Variants in PCK1 observed in about 807,000 individuals in gnomAD.
PCK1 encodes phosphoenolpyruvate carboxykinase 1.
PCK1 carries 44 observed loss-of-function variants against 50.3 expected under a neutral mutation model. The ratio of observed to expected loss-of-function variants is 0.87; its 90% CI spans 0.69 to 1.12. PCK1 has a LOEUF of 1.12. Among genes scored for constraint, PCK1 ranks in the 50% most tolerant of loss-of-function variants. The probability of loss-of-function intolerance (pLI) is 0.00; values close to 1 mark genes in which losing one functional copy is unlikely to be tolerated. For synonymous variants in PCK1, 332 were observed against 314.3 expected (o/e 1.06, Z -0.59); for missense variants, 790 against 815.0 (o/e 0.97, Z 0.37).
rs1055752845 is a variant in PCK1, at chr20:57,567,230, G to A, written c.*1426G>A. 1.3e-5 allele frequency: 2 copies of A among 152,182 alleles called. No individual in the cohort carries two copies. Among genetic ancestry groups the A allele is most frequent in the African/African-American group, 4.8e-5 (2 of 41,434 alleles). The allele number at this position is 152,182 out of a possible 1,614,324, so 9.4% of individuals were successfully genotyped here. ...CCCCAGCGGGCAGGCTTGTTCTTATGTCACACTCCACCCCTCCAGTCTCCT... is the reference window on the plus strand; with the variant it reads ...CCCCAGCGGGCAGGCTTGTTCTTATATCACACTCCACCCCTCCAGTCTCCT... On this transcript the variant is annotated 3_prime_UTR_variant, in exon 10 of 10. Coordinates refer to ENST00000319441, the MANE Select transcript of PCK1 (RefSeq NM_002591.4).
At chr20:57,561,832 GTGCACAAAAGCTC>G (rs66514941) in intron 2 of PCK1, 197 bp downstream of exon 2, 50,407 of 608,818 alleles carry the variant, frequency 0.083, 3,835 homozygotes, top group East Asian at 0.32. Context: ...AATGAGGTGT[GTGCACAAAAGCTC>G]TGCCAACTAG....
At chr20:57,563,369 T>C (rs2070170807) in intron 5 of PCK1, 154 bp downstream of exon 5, 3 of 731,646 alleles carry the variant, frequency 4.1e-6, no homozygotes, top group Admixed American at 2.9e-5. Flanking sequence ...AGTTTACACA[T>C]ATACATCGCT....
chr20:57,563,721 G>C lies in PCK1; in HGVS notation c.955G>C (p.Ala319Pro). The stretch of plus-strand genomic sequence containing the variant: ...TGACATTGCCTGGATGAAGTTTGAC[G>C]CACAAGGTGACTCTTTTAGACCCAA... ...GDDIAWMKFD[A>P]QGHLRAINPE... Residue 319 changes from alanine (A) to proline (P), a missense_variant, in exon 6 of 10, where the codon GCA becomes CCA. Transcript: ENST00000319441. 6.2e-7 allele frequency: 1 copy of C among 1,607,788 alleles called. No individual in the cohort carries two copies. The highest frequency in any genetic ancestry group is 1.1e-5 in the South Asian group (1 of 90,000).
Position 57,563,103 on chromosome 20 carries a change from T to C in PCK1, c.686T>C (p.Ile229Thr), listed in dbSNP as rs2070166752. 6.2e-7 allele frequency: 1 copy of C among 1,614,086 alleles called. No homozygotes were observed. The highest frequency in any genetic ancestry group is 1.3e-5 in the African/African-American group (1 of 75,038). Residue 229 changes from isoleucine (I) to threonine (T), a missense_variant, in exon 5 of 10, where the codon ATC becomes ACC. Physicochemically the swap from Ile to Thr is moderately conservative, Grantham distance 89. Coordinates refer to ENST00000319441, the MANE Select transcript of PCK1 (RefSeq NM_002591.4). ...CACCTGCCTGACCGCAGAGAGATCA[T>C]CTCCTTTGGCAGTGGGTACGGCGGG... is the stretch of plus-strand genomic sequence containing the variant. The part of the protein sequence containing the change: ...IAHLPDRREI[I>T]SFGSGYGGNS...
rs45559338 is a variant in PCK1 at position 57,561,552 on chromosome 20, C to A, written c.141C>A (p.Asp47Glu). 6.2e-7 allele frequency: 1 copy of A among 1,613,926 alleles called. No homozygotes were observed. Among genetic ancestry groups the A allele is most frequent in the Non-Finnish European group, 8.5e-7 (1 of 1,179,902 alleles). The change falls in exon 2 of 10, where the codon GAC (aspartate) becomes GAA (glutamate). Residue 47 changes from aspartate to glutamate, a missense_variant. By Grantham distance (45) the Asp-to-Glu change is conservative (BLOSUM62 2). Transcript: ENST00000319441. ...AGCCTGATCACATCCACATCTGTGA[C>A]GGCTCTGAGGAGGAGAATGGGCGGC... is the stretch of plus-strand genomic sequence containing the variant. ...LCQPDHIHIC[D>E]GSEEENGRLL...
intron 3 of PCK1, 126 bp downstream of exon 3, chr20:57,562,378 A>T (rs1258337056): frequency 9.9e-6 from 8 of 806,538 alleles, no homozygotes; most frequent in Non-Finnish European, 1.6e-5. Context: ...AGTTCCATAC[A>T]TGAAGTTGGC....
rs1417383514 is a variant in PCK1, at chr20:57,565,726, G to A, written c.1791G>A (p.Glu597=). 2 of 1,613,784 alleles carry A rather than the reference G, an allele frequency of 1.2e-6. No individual in the cohort carries two copies. Among genetic ancestry groups the A allele is most frequent in the African/African-American group, 1.3e-5 (1 of 75,054 alleles). The change falls in exon 10 of 10, where the codon GAG becomes GAA. Residue 597 remains glutamate (E), a synonymous_variant. Coordinates refer to ENST00000319441, the MANE Select transcript of PCK1 (RefSeq NM_002591.4). The stretch of plus-strand genomic sequence containing the variant: ...TGGAAGACATCGAGAAGTATCTGGA[G>A]GATCAAGTCAATGCCGACCTCCCCT... ...KEVEDIEKYL[E]DQVNADLPCE...
rs772400901 is a variant in PCK1 at position 57,565,179 on chromosome 20, G to C, written c.1414+44G>C. On this transcript the variant is annotated intron_variant, in intron 9 of 9. Coordinates refer to ENST00000319441, the MANE Select transcript of PCK1 (RefSeq NM_002591.4). The stretch of plus-strand genomic sequence containing the variant: ...CTGAAACCACAGAGAAGTGGGATTA[G>C]AGCACTCTTCGTCACTCTTATGTCT... 3.4e-6 allele frequency: 5 copies of C among 1,470,242 alleles called. No individual in the cohort carries two copies. In the East Asian group the frequency reaches 6.8e-5, roughly 20 times the overall value. 91.1% of individuals were successfully genotyped at this position (1,470,242 alleles called of 1,614,324 possible). A position where few individuals can be genotyped will look rare whatever the true frequency, so the allele number is the denominator to read the frequency against.
intron 3 of PCK1, 181 bp from the exon 4 acceptor site, chr20:57,562,515 T>C: frequency 7.8e-6 from 5 of 638,640 alleles, no homozygotes; most frequent in Non-Finnish European, 1.3e-5. Flanking sequence ...ATGAAAACTC[T>C]TTAATTTCAG....
chr20:57,562,406 C>A, intron 3 of PCK1, 154 bp downstream of exon 3: 1 of 681,362 alleles, frequency 1.5e-6, no homozygotes, highest in Non-Finnish European at 2.5e-6. Context: ...TGAAAATGCA[C>A]ATCCCTCTTC....
Position 57,565,438 on chromosome 20 carries a change from C to T in PCK1, c.1503C>T (p.Ala501=). 2 of 1,614,144 alleles carry T rather than the reference C, an allele frequency of 1.2e-6. No individual in the cohort carries two copies. The highest frequency in any genetic ancestry group is 1.7e-6 in the Non-Finnish European group (2 of 1,179,978). The stretch of plus-strand genomic sequence containing the variant: ...ACCTGGCCCACTGGCTTAGCATGGC[C>T]CAGCACCCAGCAGCCAAACTGCCCA... The part of the protein sequence containing the change: ...GKYLAHWLSM[A]QHPAAKLPKI... The change falls in exon 10 of 10, where the codon GCC becomes GCT. Residue 501 remains alanine, a synonymous_variant. Coordinates refer to ENST00000319441, the MANE Select transcript of PCK1 (RefSeq NM_002591.4).
chr20:57,563,427 C>T, intron 5 of PCK1, 138 bp from the exon 6 acceptor site: 1 of 708,824 alleles, frequency 1.4e-6, no homozygotes, highest in Non-Finnish European at 2.3e-6. Flanking sequence ...CTTTGGACTT[C>T]ATGATTCTGG....
intron 3 of PCK1, 130 bp downstream of exon 3, chr20:57,562,382 A>G (rs1568908161): frequency 1.3e-6 from 1 of 784,106 alleles, no homozygotes; most frequent in South Asian, 1.8e-5. Flanking sequence ...CCATACATGA[A>G]GTTGGCAATG....
In PCK1 at chr20:57,565,385, C is replaced by A. The variant is rs756706610; in HGVS notation, c.1450C>A (p.Pro484Thr). 1 of 1,614,226 alleles carries A rather than the reference C, an allele frequency of 6.2e-7. No homozygotes were observed. The highest frequency in any genetic ancestry group is 8.5e-7 in the Non-Finnish European group (1 of 1,180,020). Residue 484 changes from proline (P) to threonine (T), a missense_variant, in exon 10 of 10, where the codon CCC (proline) becomes ACC (threonine). Pro to Thr is a conservative substitution (Grantham distance 38, BLOSUM62 -1). Coordinates refer to ENST00000319441, the MANE Select transcript of PCK1 (RefSeq NM_002591.4). ...CATGCATGACCCCTTTGCCATGCGG[C>A]CCTTCTTTGGCTACAACTTCGGCAA... ...IIMHDPFAMR[P>T]FFGYNFGKYL...
In PCK1 at chr20:57,567,979, A is replaced by G. The variant is rs973737578; in HGVS notation, c.*2175A>G. The G allele has an allele frequency of 6.6e-6, 1 of 152,230 alleles. No homozygotes were observed. The highest frequency in any genetic ancestry group is 1.5e-5 in the Non-Finnish European group (1 of 68,046). 9.4% of individuals were successfully genotyped at this position (152,230 alleles called of 1,614,324 possible). A position where few individuals can be genotyped will look rare whatever the true frequency, so the allele number is the denominator to read the frequency against. On this transcript the variant is annotated 3_prime_UTR_variant, in exon 10 of 10. Transcript: ENST00000319441. ...ACAGCATAAGAGTTTTCAGGAGACC[A>G]AAAAGATTCAATATATGTCATTAAC...
chr20:57,561,148 A>C lies in PCK1; in HGVS notation c.-96A>C. ...TGGGAACACAAACTTGCTGGCGGGA[A>C]GAGCCCGGAAAGAAACCTGTGGATC... On this transcript the variant is annotated 5_prime_UTR_variant, in exon 1 of 10. Transcript: ENST00000319441. 3.2e-6 allele frequency: 1 copy of C among 316,862 alleles called. No individual in the cohort carries two copies. The highest frequency in any genetic ancestry group is 5.9e-6 in the Non-Finnish European group (1 of 169,396). The allele number at this position is 316,862 out of a possible 1,614,324, so 19.6% of individuals were successfully genotyped here.
intron 9 of PCK1, 67 bp from the exon 10 acceptor site, chr20:57,565,283 C>A (rs905973538): frequency 2.2e-6 from 3 of 1,384,022 alleles, no homozygotes; most frequent in African/African-American, 1.4e-5. Flanking sequence ...CTAATGTCAA[C>A]AATCAATGGC....
In PCK1 at chr20:57,564,561, T is replaced by A; in HGVS notation, c.1266T>A (p.Ser422=). ...QCPIIDAAWE[S]PEGVPIEGII... is the part of the protein sequence containing the mutation. ...CCATCATTGATGCTGCCTGGGAGTCTCCGGAAGGTGTTCCCATTGAAGGCA... is the reference window on the plus strand; with the variant it reads ...CCATCATTGATGCTGCCTGGGAGTCACCGGAAGGTGTTCCCATTGAAGGCA... Residue 422 remains serine, a synonymous_variant, in exon 8 of 10, where the codon TCT becomes TCA. Coordinates refer to ENST00000319441, the MANE Select transcript of PCK1 (RefSeq NM_002591.4). The A allele has an allele frequency of 6.2e-7, 1 of 1,613,184 alleles. No individual in the cohort carries two copies. The highest frequency in any genetic ancestry group is 8.5e-7 in the Non-Finnish European group (1 of 1,179,330).
Position 57,565,364 on chromosome 20 carries a change from C to T in PCK1, c.1429C>T (p.His477Tyr). 6.2e-7 allele frequency: 1 copy of T among 1,613,920 alleles called. No individual in the cohort carries two copies. Among genetic ancestry groups the T allele is most frequent in the South Asian group, 1.1e-5 (1 of 91,074 alleles). The change falls in exon 10 of 10, where the codon CAT (histidine) becomes TAT (tyrosine). Residue 477 changes from histidine (H) to tyrosine (Y), a missense_variant. By Grantham distance (83) the His-to-Tyr change is moderately conservative. Transcript: ENST00000319441. ...CTGTTTAACAGGCAAAATCATCATG[C>T]ATGACCCCTTTGCCATGCGGCCCTT... ...AAEHKGKIIM[H>Y]DPFAMRPFFG... is the part of the protein sequence containing the mutation.
Sources: gnomAD v4.1 joint callset for allele counts on GRCh38, gnomAD v4.1.1 for gene constraint, MANE v1.5 for transcripts, NCBI Gene and HGNC (gene_info 2026-07-23, HGNC 2026-07-21) for gene names.